The following AOC2 variants were observed in gnomAD, a reference collection of about 807,000 sequenced individuals.
AOC2 encodes amine oxidase copper containing 2.
Under a neutral mutation model 53.8 loss-of-function variants are expected in AOC2, and 57 were observed. That is an observed-to-expected ratio of 1.06 (90% CI 0.86 to 1.32). The LOEUF is 1.32. Ranked by LOEUF, AOC2 falls within the 40% of genes most tolerant of loss-of-function variation. AOC2 has a pLI of 0.00. For synonymous variants in AOC2, 404 were observed against 399.0 expected, an observed-to-expected ratio of 1.01 and a Z score of -0.15; for missense variants, 1,008 against 957.2, an observed-to-expected ratio of 1.05 and a Z score of -0.70.
In AOC2 at chr17:42,845,254, C is replaced by T. The variant is rs761402349; in HGVS notation, c.628C>T (p.Arg210Trp). 2.9e-5 allele frequency: 47 copies of T among 1,614,042 alleles called. No homozygotes were observed. Among genetic ancestry groups the T allele is most frequent in the Middle Eastern group, 1.6e-4 (1 of 6,084 alleles). The change falls in exon 1 of 4, where the codon CGG (arginine) becomes TGG (tryptophan). Residue 210 changes from arginine to tryptophan, a missense_variant. Physicochemically the swap from Arg to Trp is moderately radical, Grantham distance 101. Transcript: ENST00000253799. The stretch of plus-strand genomic sequence containing the variant: ...CCTGGCAGCTGTGCATGCCACCCCT[C>T]GGGGCTTGCGCTCAGGGGACCGAGC... The part of the protein sequence containing the change: ...STLAAVHATP[R>W]GLRSGDRATW...
chr17:42,846,304 A>G, intron 1 of AOC2, 90 bp downstream of exon 1: 1 of 1,413,348 alleles, frequency 7.1e-7, no homozygotes, highest in Non-Finnish European at 9.4e-7. Context: ...TCAAGCTGAA[A>G]TAACAAGTGG....
chr17:42,846,080 C>T lies in AOC2; in HGVS notation c.1454C>T (p.Ala485Val). ...GGGGCACTTGAAGGGCGGGTCCATG[C>T]CACGGGTTATATCAACACAGCTTTC... ...PNGALEGRVH[A>V]TGYINTAFLK... Residue 485 changes from alanine to valine, a missense_variant, in exon 1 of 4, where the codon GCC becomes GTC. Ala to Val is a moderately conservative substitution (Grantham distance 64). Transcript: ENST00000253799. 1 of 1,606,016 alleles carries T rather than the reference C, an allele frequency of 6.2e-7. No individual in the cohort carries two copies. Among genetic ancestry groups the T allele is most frequent in the African/African-American group, 1.3e-5 (1 of 74,896 alleles).
rs762390295 is a variant in AOC2 at position 42,850,101 on chromosome 17, C to T, written c.2024C>T (p.Thr675Ile). 6.2e-7 allele frequency: 1 copy of T among 1,614,046 alleles called. No individual in the cohort carries two copies. Among genetic ancestry groups the T allele is most frequent in the Admixed American group, 1.7e-5 (1 of 60,010 alleles). Residue 675 changes from threonine to isoleucine, a missense_variant, in exon 4 of 4, where the codon ACA becomes ATA. Physicochemically the swap from Thr to Ile is moderately conservative, Grantham distance 89 (BLOSUM62 -1). Coordinates refer to ENST00000253799, the MANE Select transcript of AOC2 (RefSeq NM_009590.4). ...LLGEDLVAWVTASFLHIPHAE... is the reference protein window; with the variant it reads ...LLGEDLVAWVIASFLHIPHAE... Reference sequence around the variant, plus strand: ...TTGCAGGATCTGGTGGCTTGGGTCACAGCCAGCTTCCTGCACATTCCCCAT... The same window carrying T: ...TTGCAGGATCTGGTGGCTTGGGTCATAGCCAGCTTCCTGCACATTCCCCAT...
chr17:42,850,138 C>A lies in AOC2; in HGVS notation c.2061C>A (p.Ile687=), dbSNP rs543218356. 7.4e-6 allele frequency: 12 copies of A among 1,614,188 alleles called. No individual in the cohort carries two copies. The South Asian group carries it at 1.2e-4, about 16-fold the overall frequency. Residue 687 remains isoleucine (I), a synonymous_variant, in exon 4 of 4, where the codon ATC becomes ATA. Coordinates refer to ENST00000253799, the MANE Select transcript of AOC2 (RefSeq NM_009590.4). ...TGCACATTCCCCATGCCGAGGACAT[C>A]CCAAACACAGTGACTCTGGGGAACA... The part of the protein sequence containing the change: ...SFLHIPHAED[I]PNTVTLGNRV...
At position 42,847,089 on chromosome 17, in the gene AOC2, G is replaced by T. The variant is rs35564096; in HGVS notation, c.1588+875G>T. 3.7e-3 allele frequency among the ~76,000 whole-genome samples: 559 copies of T among 152,346 alleles called. 4 individuals are homozygous for T. Among genetic ancestry groups the T allele is most frequent in the African/African-American group, 0.013 (537 of 41,574 alleles). ...CACGTGCGTGCCTGCGTGTGTCTCTGTGCATGCACTTGCACTTGTGTTCGC... is the reference window on the plus strand; with the variant it reads ...CACGTGCGTGCCTGCGTGTGTCTCTTTGCATGCACTTGCACTTGTGTTCGC... On this transcript the variant is annotated intron_variant, in intron 1 of 3. Coordinates refer to ENST00000253799, the MANE Select transcript of AOC2 (RefSeq NM_009590.4).
Position 42,845,416 on chromosome 17 carries a change from T to C in AOC2, c.790T>C (p.Tyr264His), listed in dbSNP as rs1352988369. 6.2e-7 allele frequency: 1 copy of C among 1,614,092 alleles called. No individual in the cohort carries two copies. Among genetic ancestry groups the C allele is most frequent in the South Asian group, 1.1e-5 (1 of 91,094 alleles). Residue 264 changes from tyrosine (Y) to histidine (H), a missense_variant, in exon 1 of 4, where the codon TAC becomes CAC. Tyr to His is a moderately conservative substitution (Grantham distance 83). Transcript: ENST00000253799. ...TVQQVFYLGH[Y>H]YADLGQLERE... ...CCAGCAGGTCTTCTACCTTGGGCAC[T>C]ACTATGCAGACTTGGGCCAGTTGGA...
At chr17:42,848,435 C>A (rs2055614782) in intron 1 of AOC2, among the ~76,000 whole-genome samples, 1 of 150,694 alleles carries the variant, frequency 6.6e-6, no homozygotes, top group Non-Finnish European at 1.5e-5. Context: ...TAGAAATATT[C>A]CGTATTTGAG....
chr17:42,849,922 C>T (rs932524032), intron 3 of AOC2, among the ~76,000 whole-genome samples, 160 bp from the exon 4 acceptor site: 6 of 152,228 alleles, frequency 3.9e-5, no homozygotes, highest in African/African-American at 1.2e-4. Flanking sequence ...GCTCCCCCCT[C>T]TCCCCGCACA....
At position 42,849,288 on chromosome 17, in the gene AOC2, C is replaced by T. The variant is rs33923044; in HGVS notation, c.1791C>T (p.Arg597=). 1.9e-3 allele frequency: 3,018 copies of T among 1,614,162 alleles called. 23 individuals are homozygous for T. The African/African-American group carries it at 0.027, about 14-fold the overall frequency. ...AGACTAATGCGTGGGGTCACCAGCG[C>T]GGGTACCGAATCCAGATCCACAGCC... is the stretch of plus-strand genomic sequence containing the variant. The part of the protein sequence containing the change: ...SNQTNAWGHQ[R]GYRIQIHSPL... The change falls in exon 2 of 4, where the codon CGC becomes CGT. Residue 597 remains arginine (R), a synonymous_variant. Transcript: ENST00000253799.
chr17:42,848,437 G>A (rs1406277631), intron 1 of AOC2, among the ~76,000 whole-genome samples: 5 of 150,622 alleles, frequency 3.3e-5, no homozygotes, highest in South Asian at 4.2e-4. Context: ...GAAATATTCC[G>A]TATTTGAGCT....
intron 3 of AOC2, 137 bp from the exon 4 acceptor site, chr17:42,849,945 G>T (rs1264035692): frequency 7.5e-6 from 10 of 1,332,342 alleles, no homozygotes; most frequent in Admixed American, 2.1e-5. Context: ...TGCTTACATG[G>T]ATTGCTCCAC....
At position 42,845,022 on chromosome 17, in the gene AOC2, C is replaced by G; in HGVS notation, c.396C>G (p.Pro132=). ...AIVLFGGQPQ[P]NVSELVVGPL... is the part of the protein sequence containing the mutation. Reference sequence around the variant, plus strand: ...TCCTCTTTGGTGGACAACCCCAACCCAATGTGAGTGAGCTGGTGGTGGGGC... The same window carrying G: ...TCCTCTTTGGTGGACAACCCCAACCGAATGTGAGTGAGCTGGTGGTGGGGC... The change falls in exon 1 of 4, where the codon CCC becomes CCG. Residue 132 remains proline (P), a synonymous_variant. Coordinates refer to ENST00000253799, the MANE Select transcript of AOC2 (RefSeq NM_009590.4). 1 of 1,613,856 alleles carries G rather than the reference C, an allele frequency of 6.2e-7. No homozygotes were observed. The highest frequency in any genetic ancestry group is 8.5e-7 in the Non-Finnish European group (1 of 1,179,978).
At chr17:42,848,548 T>TATATATATATATGTATATATAC (rs2055617632) in intron 1 of AOC2, among the ~76,000 whole-genome samples, 1 of 131,098 alleles carries the variant, frequency 7.6e-6, no homozygotes, top group African/African-American at 3.0e-5. Context: ...TATATATACA[T>TATATATATATATGTATATATAC]ATATATATAT....
rs757731105 is a variant in AOC2, at chr17:42,844,945, G to A, written c.319G>A (p.Ala107Thr). 6 of 1,612,174 alleles carry A rather than the reference G, an allele frequency of 3.7e-6. No individual in the cohort carries two copies. In the African/African-American group the frequency reaches 6.7e-5, roughly 18 times the overall value. Residue 107 changes from alanine (A) to threonine (T), a missense_variant, in exon 1 of 4, where the codon GCC becomes ACC. By Grantham distance (58) the Ala-to-Thr change is moderately conservative. Coordinates refer to ENST00000253799, the MANE Select transcript of AOC2 (RefSeq NM_009590.4). ...LQLPPKAAAL[A>T]HLDRGSPPPA... ...GCTGCCCCCCAAGGCTGCAGCCCTG[G>A]CCCACCTGGACAGGGGGAGCCCCCC...
chr17:42,846,072 G>A lies in AOC2; in HGVS notation c.1446G>A (p.Arg482=). The part of the protein sequence containing the change: ...VLYPNGALEG[R]VHATGYINTA... ...ACCCAAATGGGGCACTTGAAGGGCG[G>A]GTCCATGCCACGGGTTATATCAACA... Residue 482 remains arginine, a synonymous_variant, in exon 1 of 4, where the codon CGG becomes CGA. Coordinates refer to ENST00000253799, the MANE Select transcript of AOC2 (RefSeq NM_009590.4). 1 of 1,607,396 alleles carries A rather than the reference G, an allele frequency of 6.2e-7. No homozygotes were observed. The highest frequency in any genetic ancestry group is 1.1e-5 in the South Asian group (1 of 90,648).
In AOC2 at chr17:42,844,758, C is replaced by G; in HGVS notation, c.132C>G (p.Ala44=). The G allele has an allele frequency of 2.5e-6, 4 of 1,614,242 alleles. No individual in the cohort carries two copies. Among genetic ancestry groups the G allele is most frequent in the Non-Finnish European group, 3.4e-6 (4 of 1,180,042 alleles). Residue 44 remains alanine (A), a synonymous_variant, in exon 1 of 4, where the codon GCC becomes GCG. Transcript: ENST00000253799. ...PPHCPSVSHR[A]QPWPHPGQSQ... ...ACTGCCCCTCTGTATCCCATAGGGC[C>G]CAGCCCTGGCCACACCCTGGCCAGA...
In AOC2 at chr17:42,845,653, AT is replaced by A. The variant is rs756240912; in HGVS notation, c.1032del (p.Phe344LeufsTer10). On this transcript the variant is annotated frameshift_variant, in exon 1 of 4. Transcript: ENST00000253799. LOFTEE classifies it high-confidence loss of function. The part of the protein sequence containing the change: ...FGHGVFSGLR[I>X]FDVRFQGERI... ...CCATGGGGTGTTCAGCGGCCTGAGG[AT>A]TTTTGATGTTCGGTTCCAGGGTGAG... The A allele has an allele frequency of 1.2e-6, 2 of 1,613,972 alleles. No homozygotes were observed. Among genetic ancestry groups the A allele is most frequent in the Non-Finnish European group, 1.7e-6 (2 of 1,180,020 alleles).
Position 42,845,672 on chromosome 17 carries a change from A to G in AOC2, c.1046A>G (p.Gln349Arg), listed in dbSNP as rs1184588178. ...SGLRIFDVRF[Q>R]GERIAYEVSV... ...CTGAGGATTTTTGATGTTCGGTTCC[A>G]GGGTGAGCGAATAGCCTATGAAGTC... Residue 349 changes from glutamine to arginine, a missense_variant, in exon 1 of 4, where the codon CAG (glutamine) becomes CGG (arginine). By Grantham distance (43) the Gln-to-Arg change is conservative. Transcript: ENST00000253799. 6.2e-7 allele frequency: 1 copy of G among 1,614,056 alleles called. No individual in the cohort carries two copies. Among genetic ancestry groups the G allele is most frequent in the African/African-American group, 1.3e-5 (1 of 74,918 alleles).
chr17:42,845,583 G>T lies in AOC2; in HGVS notation c.957G>T (p.Val319=). The T allele has an allele frequency of 6.2e-7, 1 of 1,614,208 alleles. No homozygotes were observed. The highest frequency in any genetic ancestry group is 8.5e-7 in the Non-Finnish European group (1 of 1,180,032). The change falls in exon 1 of 4, where the codon GTG becomes GTT. Residue 319 remains valine (V), a synonymous_variant. Transcript: ENST00000253799. ...QFSPQGSQYS[V]QGNLVVSSLW... ...CGCCCCAGGGTTCCCAGTACAGTGTGCAAGGAAACCTGGTGGTATCCTCCC... is the reference window on the plus strand; with the variant it reads ...CGCCCCAGGGTTCCCAGTACAGTGTTCAAGGAAACCTGGTGGTATCCTCCC...
Sources: allele counts gnomAD v4.1 joint callset (sites outside exome capture counted in the v4.1 genomes callset), GRCh38; gene constraint gnomAD v4.1.1; transcripts MANE v1.5; gene names NCBI Gene and HGNC (gene_info 2026-07-23, HGNC 2026-07-21).